ZMAT4: variants seen among roughly 807,000 people sequenced by gnomAD.
The protein encoded by ZMAT4 is zinc finger matrin-type protein 4.
In ZMAT4, 17 loss-of-function variants were observed where a neutral mutation model predicts 28.7. The observed-to-expected ratio is 0.59, with a 90% CI of 0.41 to 0.89. The LOEUF is 0.89. ZMAT4 is among the 40% of genes least tolerant of loss of function. The pLI, the probability that ZMAT4 is intolerant of heterozygous loss-of-function variation, is 0.00. For missense variants in ZMAT4, 240 were observed against 283.8 expected, an observed-to-expected ratio of 0.85 and a Z score of 1.11; for synonymous variants, 117 against 109.2, an observed-to-expected ratio of 1.07 and a Z score of -0.44.
intron 1 of ZMAT4, among the ~76,000 whole-genome samples, chr8:40,861,646 G>A (rs1817497952): frequency 6.6e-6 from 1 of 152,080 alleles, no homozygotes; most frequent in Non-Finnish European, 1.5e-5. Flanking sequence ...TACAGAATGG[G>A]AGAAAGTTTT....
chr8:40,885,967 TGA>T (rs746369360), intron 1 of ZMAT4, among the ~76,000 whole-genome samples: 12 of 152,224 alleles, frequency 7.9e-5, no homozygotes, highest in Non-Finnish European at 1.6e-4. Flanking sequence ...ATCTAAGCTC[TGA>T]GAGGCTGGGA....
intron 3 of ZMAT4, among the ~76,000 whole-genome samples, chr8:40,722,491 T>C (rs1346780000): frequency 6.6e-6 from 1 of 152,212 alleles, no homozygotes; most frequent in Non-Finnish European, 1.5e-5. Context: ...AGCTTTATTA[T>C]GCTTGTAATG....
intron 4 of ZMAT4, among the ~76,000 whole-genome samples, chr8:40,676,537 C>T (rs1243672140): frequency 6.6e-6 from 1 of 152,082 alleles, no homozygotes; most frequent in African/African-American, 2.4e-5. Context: ...AGTTAAGGAA[C>T]CAATTAACCA....
intron 5 of ZMAT4, among the ~76,000 whole-genome samples, chr8:40,637,958 A>C (rs756248831): frequency 4.7e-4 from 72 of 152,224 alleles, no homozygotes; most frequent in Non-Finnish European, 7.3e-4. Flanking sequence ...GGCCAGACAC[A>C]GGGAGACAAA....
intron 1 of ZMAT4, among the ~76,000 whole-genome samples, chr8:40,864,687 T>C (rs1420300447): frequency 6.6e-6 from 1 of 152,230 alleles, no homozygotes; most frequent in Non-Finnish European, 1.5e-5. Flanking sequence ...GGTTGTGACC[T>C]ACCCCAGTGA....
intron 5 of ZMAT4, among the ~76,000 whole-genome samples, chr8:40,626,573 G>C (rs779483421): frequency 2.0e-5 from 3 of 152,232 alleles, no homozygotes; most frequent in Non-Finnish European, 4.4e-5. Flanking sequence ...GCCATGGTCA[G>C]CAAACACGCA....
intron 2 of ZMAT4, among the ~76,000 whole-genome samples, chr8:40,791,425 T>C (rs1053830671): frequency 1.8e-4 from 27 of 152,326 alleles, no homozygotes; most frequent in African/African-American, 6.3e-4. Context: ...GAGAGAGTAA[T>C]GTACAATTTA....
intron 3 of ZMAT4, among the ~76,000 whole-genome samples, chr8:40,743,232 T>G (rs1484137167): frequency 2.6e-5 from 4 of 152,210 alleles, no homozygotes; most frequent in African/African-American, 9.6e-5. Context: ...AATTGAGGTC[T>G]TTCCCTACTC....
chr8:40,586,336 G>C, intron 5 of ZMAT4, among the ~76,000 whole-genome samples: 1 of 152,094 alleles, frequency 6.6e-6, no homozygotes, highest in East Asian at 1.9e-4. Flanking sequence ...TAAAATTTCT[G>C]CCGACCTAAA....
At chr8:40,726,057 T>G (rs895713159) in intron 3 of ZMAT4, among the ~76,000 whole-genome samples, 19 of 152,212 alleles carry the variant, frequency 1.2e-4, no homozygotes, top group Non-Finnish European at 5.9e-5. Flanking sequence ...CATTACCCCT[T>G]GTTGTTTTTG....
intron 4 of ZMAT4, among the ~76,000 whole-genome samples, chr8:40,694,208 C>T (rs939142628): frequency 6.6e-6 from 1 of 152,096 alleles, no homozygotes; most frequent in African/African-American, 2.4e-5. Context: ...TGGCTGCAGG[C>T]AGTAAGGGAG....
rs184613553 is a variant in ZMAT4, at chr8:40,849,701, C to A, written c.-4-24021G>T. On this transcript the variant is annotated intron_variant, in intron 1 of 6. Coordinates refer to ENST00000297737, the MANE Select transcript of ZMAT4 (RefSeq NM_024645.3). ...CACCAAGACGGGAGAGAGGGATCAA[C>A]ATGATCTTTTATTATGTGCGTGTGT... 3.3e-5 allele frequency among the ~76,000 whole-genome samples: 5 copies of A among 152,302 alleles called. No homozygotes were observed. In the East Asian group the frequency reaches 9.7e-4, roughly 29 times the overall value.
chr8:40,638,089 G>GTT (rs1806863973), intron 5 of ZMAT4, among the ~76,000 whole-genome samples: 2 of 152,126 alleles, frequency 1.3e-5, no homozygotes, highest in Admixed American at 6.5e-5. Context: ...GGAGACGTTG[G>GTT]TCAAAGGGTA....
At chr8:40,752,414 C>A (rs1812489308) in intron 3 of ZMAT4, among the ~76,000 whole-genome samples, 1 of 152,186 alleles carries the variant, frequency 6.6e-6, no homozygotes, top group Non-Finnish European at 1.5e-5. Flanking sequence ...TTCTACCAGG[C>A]TGCCCACTAC....
At chr8:40,647,588 C>T (rs2118796084) in intron 5 of ZMAT4, among the ~76,000 whole-genome samples, 1 of 152,262 alleles carries the variant, frequency 6.6e-6, no homozygotes, top group African/African-American at 2.4e-5. Flanking sequence ...CTCAAGGAGG[C>T]CTGCCTGTCT....
intron 3 of ZMAT4, among the ~76,000 whole-genome samples, chr8:40,766,494 G>A (rs534398907): frequency 2.0e-5 from 3 of 151,904 alleles, no homozygotes; most frequent in African/African-American, 2.4e-5. Context: ...GGGTCCTAAC[G>A]CTAAGGGCTA....
At chr8:40,660,038 T>A (rs1263744670) in intron 5 of ZMAT4, among the ~76,000 whole-genome samples, 1 of 152,218 alleles carries the variant, frequency 6.6e-6, no homozygotes, top group Admixed American at 6.5e-5. Context: ...AGCGGGTATC[T>A]GTGAAAAGCT....
At chr8:40,558,038 C>T (rs763899827) in intron 6 of ZMAT4, among the ~76,000 whole-genome samples, 2 of 152,084 alleles carry the variant, frequency 1.3e-5, no homozygotes. Flanking sequence ...GGGCAGTGCA[C>T]ATCAGAAAGC....
In ZMAT4 at chr8:40,786,831, A is replaced by T. The variant is rs949806874; in HGVS notation, c.103-19101T>A. 8 of 955,702 alleles carry T rather than the reference A, an allele frequency of 8.4e-6. No individual in the cohort carries two copies. The African/African-American group carries it at 1.0e-4, about 12-fold the overall frequency. 59.2% of individuals were successfully genotyped at this position (955,702 alleles called of 1,614,324 possible). On this transcript the variant is annotated intron_variant, in intron 2 of 6. Transcript: ENST00000297737. ...ACTGTGCTTACAGAAGAAAATTGGGATTGCATTTCACTGAAGGCTGTTCTA... is the reference window on the plus strand; with the variant it reads ...ACTGTGCTTACAGAAGAAAATTGGGTTTGCATTTCACTGAAGGCTGTTCTA...
Sources: allele counts gnomAD v4.1 joint callset (sites outside exome capture counted in the v4.1 genomes callset), GRCh38; gene constraint gnomAD v4.1.1; transcripts MANE v1.5; gene names NCBI Gene and HGNC (gene_info 2026-07-23, HGNC 2026-07-21).